Variants in HDAC4 observed in about 807,000 individuals in gnomAD.
The protein encoded by HDAC4 is histone deacetylase 4.
Under a neutral mutation model 135.1 loss-of-function variants are expected in HDAC4, and 16 were observed. The observed-to-expected ratio is 0.12, with a 90% CI of 0.08 to 0.18. The LOEUF is 0.18. Among genes scored for constraint, HDAC4 ranks in the 10% least tolerant of loss-of-function variants. HDAC4 has a pLI of 1.00. For synonymous variants in HDAC4, 685 were observed against 653.4 expected (o/e 1.05, Z -0.74); for missense variants, 1,143 against 1,511.8 (o/e 0.76, Z 4.05).
Position 239,189,117 on chromosome 2 carries a change from G to A in HDAC4, c.339+716C>T, listed in dbSNP as rs552697615. Among the ~76,000 whole-genome samples, 34 of 152,292 alleles carry A rather than the reference G, an allele frequency of 2.2e-4. 2 individuals are homozygous for A. In the South Asian group the frequency reaches 7.0e-3, roughly 32 times the overall value. ...TGGGATTTTTCACTTTGTTTACTGTGACCACTAGAATATTTAAAATTACTG... is the reference window on the plus strand; with the variant it reads ...TGGGATTTTTCACTTTGTTTACTGTAACCACTAGAATATTTAAAATTACTG... On this transcript the variant is annotated intron_variant, in intron 4 of 26. Coordinates refer to ENST00000543185, the MANE Select transcript of HDAC4 (RefSeq NM_001378414.1).
chr2:239,312,204 A>C (rs2052913803), intron 2 of HDAC4, among the ~76,000 whole-genome samples: 1 of 152,188 alleles, frequency 6.6e-6, no homozygotes, highest in South Asian at 2.1e-4. Context: ...GCAGGGCAGG[A>C]CACCAGGCCA....
chr2:239,131,729 G>A (rs907222740), intron 11 of HDAC4, among the ~76,000 whole-genome samples: 2 of 152,220 alleles, frequency 1.3e-5, no homozygotes, highest in Non-Finnish European at 2.9e-5. Context: ...GGCCAGTGCC[G>A]CCCTGCCAGG....
rs772758145 is a variant in HDAC4, at chr2:239,115,416, G to A, written c.1534-106C>T. The A allele has an allele frequency of 7.1e-7, 1 of 1,411,328 alleles. No individual in the cohort carries two copies. Among genetic ancestry groups the A allele is most frequent in the Non-Finnish European group, 9.8e-7 (1 of 1,016,704 alleles). 87.4% of individuals were successfully genotyped at this position (1,411,328 alleles called of 1,614,324 possible). A position where few individuals can be genotyped will look rare whatever the true frequency, so the allele number is the denominator to read the frequency against. ...CCCACCCTCTGGGGCAGACAATCAG[G>A]GACTCAGGGCACCTTATCACCCTGC... On this transcript the variant is annotated intron_variant, in intron 12 of 26. Transcript: ENST00000543185. This position sits in a 1 kb window ranked among gnomAD's most constrained non-coding sequence, Gnocchi z 6.3.
chr2:239,243,099 C>T (rs1382145422), intron 2 of HDAC4, among the ~76,000 whole-genome samples: 5 of 152,072 alleles, frequency 3.3e-5, no homozygotes, highest in Non-Finnish European at 5.9e-5. Context: ...CACCTTAGCA[C>T]CTCACTTCAA....
chr2:239,325,996 T>C (rs1164344546), intron 2 of HDAC4, among the ~76,000 whole-genome samples: 2 of 151,972 alleles, frequency 1.3e-5, no homozygotes, highest in East Asian at 1.9e-4. Flanking sequence ...AAAATTATCA[T>C]AGGATTCAAC....
At chr2:239,235,253 A>G (rs1399089497) in intron 3 of HDAC4, among the ~76,000 whole-genome samples, 5 of 151,806 alleles carry the variant, frequency 3.3e-5, no homozygotes, top group Non-Finnish European at 5.9e-5. Context: ...TTCCCGGAGC[A>G]GGGCAAAGAC....
Position 239,049,610 on chromosome 2 carries a change from T to C in HDAC4, c.*3487A>G, listed in dbSNP as rs1030827237. 6.6e-6 allele frequency: 1 copy of C among 152,534 alleles called. No homozygotes were observed. Among genetic ancestry groups the C allele is most frequent in the African/African-American group, 2.4e-5 (1 of 41,440 alleles). The allele number at this position is 152,534 out of a possible 1,614,324, so 9.4% of individuals were successfully genotyped here. A position where few individuals can be genotyped will look rare whatever the true frequency, so the allele number is the denominator to read the frequency against. The stretch of plus-strand genomic sequence containing the variant: ...CTGATCAAAAAGAAAAACAACAAAG[T>C]CCATTGCTAGTGCTGCAAAAATCAA... On this transcript the variant is annotated 3_prime_UTR_variant, in exon 27 of 27. Coordinates refer to ENST00000543185, the MANE Select transcript of HDAC4 (RefSeq NM_001378414.1).
chr2:239,130,922 T>G (rs1363540450), intron 11 of HDAC4, among the ~76,000 whole-genome samples: 1 of 152,170 alleles, frequency 6.6e-6, no homozygotes, highest in Non-Finnish European at 1.5e-5. Context: ...CAGTTTTGCG[T>G]CCAACTAAAG....
In HDAC4 at chr2:239,141,318, G is replaced by A. The variant is rs751008051; in HGVS notation, c.866-1522C>T. ...TCCACCCAGAAGCCCTACACCAGCCGCTCCCCATGGCTCTTGGAGCTCAAA... is the reference window on the plus strand; with the variant it reads ...TCCACCCAGAAGCCCTACACCAGCCACTCCCCATGGCTCTTGGAGCTCAAA... On this transcript the variant is annotated intron_variant, in intron 8 of 26. Transcript: ENST00000543185. The surrounding 1 kb of genome is among the most constrained non-coding windows in gnomAD (Gnocchi z 4.9). Among the ~76,000 whole-genome samples, 10 of 152,214 alleles carry A rather than the reference G, an allele frequency of 6.6e-5. No homozygotes were observed. Among genetic ancestry groups the A allele is most frequent in the African/African-American group, 1.9e-4 (8 of 41,544 alleles).
At chr2:239,330,999 G>A (rs1047492967) in intron 2 of HDAC4, among the ~76,000 whole-genome samples, 2 of 152,158 alleles carry the variant, frequency 1.3e-5, no homozygotes, top group African/African-American at 2.4e-5. Flanking sequence ...CTGCTGCCCT[G>A]TGCGTGCGCA....
chr2:239,254,946 A>T (rs2048974994), intron 2 of HDAC4, among the ~76,000 whole-genome samples: 7 of 152,280 alleles, frequency 4.6e-5, no homozygotes. Flanking sequence ...ATGTTTCAAC[A>T]GCAACAAAAG....
chr2:239,066,171 G>T (rs1018798070), intron 24 of HDAC4, among the ~76,000 whole-genome samples: 2 of 152,164 alleles, frequency 1.3e-5, no homozygotes, highest in South Asian at 2.1e-4. Context: ...TCTCTGCCCA[G>T]GTCTCAGAGG....
intron 2 of HDAC4, among the ~76,000 whole-genome samples, chr2:239,272,476 T>A (rs940858500): frequency 5.3e-5 from 8 of 152,062 alleles, no homozygotes; most frequent in African/African-American, 1.9e-4. Flanking sequence ...AAAAGGCAAA[T>A]AATCTAATTT....
intron 2 of HDAC4, among the ~76,000 whole-genome samples, chr2:239,292,247 C>T (rs1249455697): frequency 6.6e-6 from 1 of 152,252 alleles, no homozygotes; most frequent in Non-Finnish European, 1.5e-5. Flanking sequence ...GCTCCCAGAG[C>T]ACCTGCAGAA....
In HDAC4 at chr2:239,240,010, G is replaced by A. The variant is rs1006084854; in HGVS notation, c.23-3346C>T. Reference sequence around the variant, plus strand: ...TCTCTTTAAGACAAGATCCCGGCCTGAGCCGTCCTTGGTCGTCCACCTGGA... The same window carrying A: ...TCTCTTTAAGACAAGATCCCGGCCTAAGCCGTCCTTGGTCGTCCACCTGGA... On this transcript the variant is annotated intron_variant, in intron 2 of 26. Transcript: ENST00000543185. This position sits in a 1 kb window ranked among gnomAD's most constrained non-coding sequence, Gnocchi z 4.5. Among the ~76,000 whole-genome samples the A allele has an allele frequency of 6.6e-6, 1 of 152,254 alleles. No homozygotes were observed. Among genetic ancestry groups the A allele is most frequent in the Non-Finnish European group, 1.5e-5 (1 of 68,050 alleles).
At chr2:239,066,947 T>G in intron 23 of HDAC4, 92 bp from the exon 24 acceptor site, 1 of 1,488,796 alleles carries the variant, frequency 6.7e-7, no homozygotes, top group South Asian at 1.2e-5. Flanking sequence ...GTAAGAAGAC[T>G]GGGGGCTGGG....
At chr2:239,097,764 G>A (rs183815682) in intron 16 of HDAC4, among the ~76,000 whole-genome samples, 7 of 152,346 alleles carry the variant, frequency 4.6e-5, no homozygotes, top group African/African-American at 1.4e-4. Flanking sequence ...TGTCCTGCTT[G>A]CTGCCCGTCG....
chr2:239,128,438 A>G (rs563538305), intron 11 of HDAC4, among the ~76,000 whole-genome samples: 1 of 152,232 alleles, frequency 6.6e-6, no homozygotes, highest in East Asian at 1.9e-4. Flanking sequence ...CTGAGGCAGA[A>G]GAATTGCTTG....
intron 1 of HDAC4, among the ~76,000 whole-genome samples, chr2:239,377,379 G>A (rs1695086284): frequency 6.6e-6 from 1 of 152,198 alleles, no homozygotes; most frequent in Non-Finnish European, 1.5e-5. Flanking sequence ...TCTCTGTGTT[G>A]CCAGCATGAG....
Sources: gnomAD v4.1 joint callset for allele counts (sites outside exome capture counted in the v4.1 genomes callset) on GRCh38, gnomAD v4.1.1 for gene constraint, Gnocchi (gnomAD v3.1) non-coding constraint, MANE v1.5 for transcripts, NCBI Gene and HGNC (gene_info 2026-07-23, HGNC 2026-07-21) for gene names.